The following GRIP1 variants were observed in gnomAD, a reference collection of about 807,000 sequenced individuals.
GRIP1 encodes glutamate receptor interacting protein 1.
In GRIP1, 45 loss-of-function variants were observed where a neutral mutation model predicts 129.9. The observed-to-expected ratio is 0.35, with a 90% CI of 0.27 to 0.44. GRIP1 has a LOEUF of 0.44. Ranked by LOEUF, GRIP1 falls within the 20% of genes least tolerant of loss-of-function variation. The pLI, the probability that GRIP1 is intolerant of heterozygous loss-of-function variation, is 1.00. For synonymous variants in GRIP1, 530 were observed against 520.8 expected (o/e 1.02, Z -0.24); for missense variants, 1,196 against 1,396.8 (o/e 0.86, Z 2.29).
chr12:66,886,817 C>A (rs899428693), intron 1 of GRIP1, among the ~76,000 whole-genome samples: 1 of 152,122 alleles, frequency 6.6e-6, no homozygotes, highest in African/African-American at 2.4e-5. Context: ...ACAACAATAC[C>A]GTGAAGAAGT....
At chr12:66,735,577 C>T (rs1269002924) in intron 1 of GRIP1, among the ~76,000 whole-genome samples, 2 of 151,646 alleles carry the variant, frequency 1.3e-5, no homozygotes, top group Non-Finnish European at 2.9e-5. Context: ...TCTGATTAAA[C>T]TTGGTAGGAA....
intron 7 of GRIP1, among the ~76,000 whole-genome samples, chr12:66,502,537 C>T (rs1184462923): frequency 6.6e-6 from 1 of 152,018 alleles, no homozygotes; most frequent in African/African-American, 2.4e-5. Flanking sequence ...GAGGTGGGGC[C>T]TGGTGGGAGG....
chr12:66,675,932 G>A (rs926306973), intron 1 of GRIP1, among the ~76,000 whole-genome samples: 3 of 152,094 alleles, frequency 2.0e-5, no homozygotes, highest in Non-Finnish European at 4.4e-5. Flanking sequence ...ACAGTGGCTT[G>A]AAACATTAAT....
At chr12:66,746,500 A>G (rs997756253) in intron 1 of GRIP1, among the ~76,000 whole-genome samples, 1 of 152,098 alleles carries the variant, frequency 6.6e-6, no homozygotes, top group Non-Finnish European at 1.5e-5. Context: ...CTTTTTATAG[A>G]ATTGGGGAAA....
chr12:66,866,414 G>A lies in GRIP1; in HGVS notation c.58+202636C>T, dbSNP rs573511350. On this transcript the variant is annotated intron_variant, in intron 1 of 1. Transcript: ENST00000643019. ...CTTGAGCCCAGAAGTTCAAGACTGCGATGAGCTATGATCGCACCACTGCAC... is the reference window on the plus strand; with the variant it reads ...CTTGAGCCCAGAAGTTCAAGACTGCAATGAGCTATGATCGCACCACTGCAC... Among the ~76,000 whole-genome samples, 12 of 152,250 alleles carry A rather than the reference G, an allele frequency of 7.9e-5. No homozygotes were observed. The South Asian group carries it at 2.1e-3, about 26-fold the overall frequency.
At chr12:66,477,862 T>C (rs1173565612) in intron 7 of GRIP1, among the ~76,000 whole-genome samples, 2 of 152,276 alleles carry the variant, frequency 1.3e-5, no homozygotes, top group East Asian at 1.9e-4. Flanking sequence ...CCTTACACCT[T>C]ATACAAAAAT....
intron 1 of GRIP1, among the ~76,000 whole-genome samples, chr12:67,047,114 A>G (rs1169058961): frequency 1.3e-5 from 2 of 152,190 alleles, no homozygotes; most frequent in East Asian, 1.9e-4. Flanking sequence ...AGTTTTAAAC[A>G]TATCAGTAAA....
At chr12:66,843,335 G>C (rs2137054966) in intron 1 of GRIP1, among the ~76,000 whole-genome samples, 1 of 152,172 alleles carries the variant, frequency 6.6e-6, no homozygotes, top group African/African-American at 2.4e-5. Flanking sequence ...TTCATGAATT[G>C]AATATGAGAA....
intron 1 of GRIP1, among the ~76,000 whole-genome samples, chr12:66,750,482 C>T (rs930528790): frequency 1.3e-5 from 2 of 152,136 alleles, no homozygotes; most frequent in African/African-American, 4.8e-5. Context: ...CAGAGAAAGA[C>T]AAGCCCCTGG....
intron 4 of GRIP1, among the ~76,000 whole-genome samples, chr12:66,537,422 A>G (rs1445251701): frequency 6.6e-6 from 1 of 152,084 alleles, no homozygotes; most frequent in Non-Finnish European, 1.5e-5. Flanking sequence ...CATTTGGTAC[A>G]ATCAAAATCT....
intron 1 of GRIP1, among the ~76,000 whole-genome samples, chr12:67,001,338 G>A (rs2042548016): frequency 1.3e-5 from 2 of 152,058 alleles, no homozygotes; most frequent in Non-Finnish European, 2.9e-5. Context: ...AAAAGAAAGA[G>A]GGGAAAAAAG....
At chr12:66,909,134 T>A (rs1053814370) in intron 1 of GRIP1, among the ~76,000 whole-genome samples, 1 of 152,238 alleles carries the variant, frequency 6.6e-6, no homozygotes, top group Non-Finnish European at 1.5e-5. Flanking sequence ...AAAAATCTCC[T>A]TCCTTCTCTC....
intron 23 of GRIP1, among the ~76,000 whole-genome samples, chr12:66,366,123 A>T (rs974428425): frequency 2.0e-5 from 3 of 152,246 alleles, no homozygotes; most frequent in Non-Finnish European, 4.4e-5. Flanking sequence ...TTTAGCTTCC[A>T]GTGATTTCCA....
At chr12:66,504,657 A>T (rs1183882313) in intron 7 of GRIP1, among the ~76,000 whole-genome samples, 3 of 152,180 alleles carry the variant, frequency 2.0e-5, no homozygotes. Context: ...TTAATCAGAG[A>T]TGACATAAAA....
At chr12:67,067,826 C>T (rs937737379) in intron 1 of GRIP1, among the ~76,000 whole-genome samples, 1 of 152,204 alleles carries the variant, frequency 6.6e-6, no homozygotes, top group South Asian at 2.1e-4. Flanking sequence ...CTTGACAACA[C>T]TGCCTTCTCC....
At chr12:66,789,373 A>G (rs2038455354) in intron 1 of GRIP1, among the ~76,000 whole-genome samples, 1 of 152,172 alleles carries the variant, frequency 6.6e-6, no homozygotes, top group African/African-American at 2.4e-5. Flanking sequence ...GACACTGGAT[A>G]AGCCATTTAA....
chr12:66,660,358 G>A (rs184131523), intron 1 of GRIP1, among the ~76,000 whole-genome samples: 246 of 152,206 alleles, frequency 1.6e-3, no homozygotes, highest in African/African-American at 5.7e-3. Flanking sequence ...ATATTTATCA[G>A]ATTGTTCTTA....
chr12:66,964,904 T>C (rs1428739459), intron 1 of GRIP1, among the ~76,000 whole-genome samples: 1 of 152,178 alleles, frequency 6.6e-6, no homozygotes, highest in Non-Finnish European at 1.5e-5. Context: ...TCATATGGTC[T>C]TTCCTCTTTA....
At chr12:66,606,320 C>G (rs1033294157) in intron 1 of GRIP1, among the ~76,000 whole-genome samples, 2 of 152,044 alleles carry the variant, frequency 1.3e-5, no homozygotes, top group African/African-American at 4.8e-5. Flanking sequence ...ATAAGTTACA[C>G]GAAGAAAAAT....
Sources: gnomAD v4.1 joint callset for allele counts (sites outside exome capture counted in the v4.1 genomes callset) on GRCh38, gnomAD v4.1.1 for gene constraint, MANE v1.5 for transcripts, NCBI Gene and HGNC (gene_info 2026-07-23, HGNC 2026-07-21) for gene names.